The following ISG20 variants were observed in gnomAD, a reference collection of about 807,000 sequenced individuals.
The protein encoded by ISG20 is interferon-stimulated gene 20 kDa protein.
Under a neutral mutation model 11.1 loss-of-function variants are expected in ISG20, and 8 were observed. That is an observed-to-expected ratio of 0.72 (90% confidence interval 0.42 to 1.30). The LOEUF (loss-of-function observed/expected upper bound fraction) is 1.30, where lower values mean the gene tolerates loss of function less well. ISG20 is among the 50% of genes most tolerant of loss of function. The probability of loss-of-function intolerance (pLI) is 0.01; values close to 1 mark genes in which losing one functional copy is unlikely to be tolerated. For missense variants in ISG20, 243 were observed against 250.2 expected, an observed-to-expected ratio of 0.97 and a Z score of 0.19; for synonymous variants, 110 against 101.7, an observed-to-expected ratio of 1.08 and a Z score of -0.49.
At chr15:88,654,548 G>C (rs1312784807) in intron 3 of ISG20, among the ~76,000 whole-genome samples, 1 of 152,020 alleles carries the variant, frequency 6.6e-6, no homozygotes, top group Non-Finnish European at 1.5e-5. Flanking sequence ...TCCCATGCTG[G>C]GTACCGGCCA....
At chr15:88,646,780 T>C (rs1007613040) in intron 2 of ISG20, 2 of 152,582 alleles carry the variant, frequency 1.3e-5, no homozygotes, top group Non-Finnish European at 1.5e-5. Flanking sequence ...ATTATTTTCT[T>C]TCTTTTTTGA....
At chr15:88,653,912 C>A (rs72763873) in intron 3 of ISG20, among the ~76,000 whole-genome samples, 1 of 152,326 alleles carries the variant, frequency 6.6e-6, no homozygotes, top group Non-Finnish European at 1.5e-5. Flanking sequence ...AAAGGAAAGA[C>A]CCTGCCATTT....
intron 2 of ISG20, among the ~76,000 whole-genome samples, chr15:88,641,273 T>C (rs2058076381): frequency 6.6e-6 from 1 of 152,194 alleles, no homozygotes; most frequent in African/African-American, 2.4e-5. Flanking sequence ...GTCCCAGGCA[T>C]GAGCCACCGC....
intron 3 of ISG20, among the ~76,000 whole-genome samples, chr15:88,652,992 A>G (rs1041172972): frequency 2.6e-5 from 4 of 151,938 alleles, no homozygotes; most frequent in African/African-American, 9.7e-5. Context: ...TGGGCAAAGC[A>G]GGCAGGAAAA....
chr15:88,642,465 C>T (rs1392549724), intron 2 of ISG20, among the ~76,000 whole-genome samples: 1 of 152,214 alleles, frequency 6.6e-6, no homozygotes, highest in East Asian at 1.9e-4. Context: ...TATGGGACAA[C>T]TGCTCAGGAA....
At chr15:88,635,633 G>C (rs188821040), upstream of ISG20, among the ~76,000 whole-genome samples, 48 of 152,322 alleles carry the variant, frequency 3.2e-4, no homozygotes, top group Non-Finnish European at 4.4e-4. Flanking sequence ...TACGGTTTCA[G>C]ACTGCATCCC....
At position 88,655,490 on chromosome 15, in the gene ISG20, CGAGCCCG is replaced by C; in HGVS notation, c.506_512del (p.Arg169ProfsTer22). The C allele has an allele frequency of 6.2e-7, 1 of 1,613,474 alleles. No individual in the cohort carries two copies. Among genetic ancestry groups the C allele is most frequent in the African/African-American group, 1.3e-5 (1 of 75,060 alleles). On this transcript the variant is annotated frameshift_variant, in exon 4 of 4. Coordinates refer to ENST00000306072, the MANE Select transcript of ISG20 (RefSeq NM_002201.6). LOFTEE classifies it low-confidence loss of function (END_TRUNC). ...GCTCTATCAAATCTCCCAGAGAATC[CGAGCCCG>C]CCGAGGGCTGCCCCGCCTGGCTGTG... is the stretch of plus-strand genomic sequence containing the variant.
chr15:88,648,596 C>T (rs889435345), intron 2 of ISG20: 3 of 152,248 alleles, frequency 2.0e-5, no homozygotes, highest in Non-Finnish European at 2.9e-5. Context: ...AGTGCCCTGT[C>T]CCTTGGTCCT....
In ISG20 at chr15:88,651,869, A is replaced by G. The variant is rs2058279815; in HGVS notation, c.229-241A>G. ...TCAGGATGTACTAACCATTGCTCCT[A>G]CACAGTTCAGCTCCTGAAGGAGTCC... is the stretch of plus-strand genomic sequence containing the variant. On this transcript the variant is annotated intron_variant, in intron 2 of 3. Transcript: ENST00000306072. The G allele has an allele frequency of 2.2e-6, 3 of 1,376,726 alleles. No individual in the cohort carries two copies. In the South Asian group the frequency reaches 4.6e-5, roughly 21 times the overall value. The allele number at this position is 1,376,726 out of a possible 1,614,324, so 85.3% of individuals were successfully genotyped here. A position where few individuals can be genotyped will look rare whatever the true frequency, so the allele number is the denominator to read the frequency against.
rs771930617 is a variant in ISG20 at position 88,652,273 on chromosome 15, G to C, written c.392G>C (p.Arg131Pro). ...KLDHCRRVSL[R>P]VLSERLLHKS... ...GACCACTGCAGGCGTGTCTCCCTGC[G>C]GGTGCTGAGTGAGCGCCTCCTACAC... Residue 131 changes from arginine to proline, a missense_variant, in exon 3 of 4, where the codon CGG (arginine) becomes CCG (proline). By Grantham distance (103) the Arg-to-Pro change is moderately radical. Coordinates refer to ENST00000306072, the MANE Select transcript of ISG20 (RefSeq NM_002201.6). 48 of 1,613,490 alleles carry C rather than the reference G, an allele frequency of 3.0e-5. No homozygotes were observed. Among genetic ancestry groups the C allele is most frequent in the Non-Finnish European group, 4.1e-5 (48 of 1,179,780 alleles).
In ISG20 at chr15:88,655,570, C is replaced by T. The variant is rs752817650; in HGVS notation, c.*39C>T. 24 of 1,498,590 alleles carry T rather than the reference C, an allele frequency of 1.6e-5. No individual in the cohort carries two copies. Among genetic ancestry groups the T allele is most frequent in the Admixed American group, 8.3e-5 (4 of 48,380 alleles). 92.8% of individuals were successfully genotyped at this position (1,498,590 alleles called of 1,614,324 possible). ...CCGTTCCGCAGGGACTAGAGGCTTT[C>T]GGCTTTTTGGGACAGCAACTACCTT... is the stretch of plus-strand genomic sequence containing the variant. On this transcript the variant is annotated 3_prime_UTR_variant, in exon 4 of 4. Transcript: ENST00000306072.
chr15:88,639,547 C>T lies in ISG20; in HGVS notation c.181C>T (p.Pro61Ser). Residue 61 changes from proline to serine, a missense_variant, in exon 2 of 4, where the codon CCT (proline) becomes TCT (serine). By Grantham distance (74) the Pro-to-Ser change is moderately conservative. Transcript: ENST00000306072. The surrounding 1 kb of genome is among the most constrained non-coding windows in gnomAD (Gnocchi z 4.2). ...DYRTRVSGVT[P>S]QHMVGATPFA... Reference sequence around the variant, plus strand: ...CAGAACCCGGGTCAGCGGGGTCACCCCTCAGCACATGGTGGGGGCCACACC... The same window carrying T: ...CAGAACCCGGGTCAGCGGGGTCACCTCTCAGCACATGGTGGGGGCCACACC... 5.0e-6 allele frequency: 8 copies of T among 1,614,192 alleles called. No individual in the cohort carries two copies. The highest frequency in any genetic ancestry group is 1.3e-5 in the African/African-American group (1 of 75,058).
chr15:88,646,179 C>T (rs1271585541), intron 2 of ISG20, among the ~76,000 whole-genome samples: 1 of 152,178 alleles, frequency 6.6e-6, no homozygotes, highest in East Asian at 1.9e-4. Flanking sequence ...CCTCTCTGTG[C>T]TCCCCTAAGT....
Position 88,641,690 on chromosome 15 carries a change from G to C in ISG20, c.228+2096G>C, listed in dbSNP as rs373576705. Reference sequence around the variant, plus strand: ...TCTGTCGCCCAGGCTGGAGTGCAGTGGCAGGATCTGGGCTCACTGCAACCT... The same window carrying C: ...TCTGTCGCCCAGGCTGGAGTGCAGTCGCAGGATCTGGGCTCACTGCAACCT... On this transcript the variant is annotated intron_variant, in intron 2 of 3. Transcript: ENST00000306072. Among the ~76,000 whole-genome samples, 40 of 152,192 alleles carry C rather than the reference G, an allele frequency of 2.6e-4. 2 individuals are homozygous for C. In the South Asian group the frequency reaches 6.8e-3, roughly 26 times the overall value.
chr15:88,653,408 G>A (rs1232864127), intron 3 of ISG20, among the ~76,000 whole-genome samples: 1 of 152,180 alleles, frequency 6.6e-6, no homozygotes, highest in Non-Finnish European at 1.5e-5. Flanking sequence ...GGCTCGGGGA[G>A]GGGCTGGGGA....
chr15:88,650,014 G>A lies in ISG20; in HGVS notation c.229-2096G>A. On this transcript the variant is annotated intron_variant, in intron 2 of 3. Transcript: ENST00000306072. This position sits in a 1 kb window ranked among gnomAD's most constrained non-coding sequence, Gnocchi z 4.0. ...TTGCCAGGGGAGAACATGTAAAAGGGAACACATGATGTTCCAGGAGGCCGC... is the reference window on the plus strand; with the variant it reads ...TTGCCAGGGGAGAACATGTAAAAGGAAACACATGATGTTCCAGGAGGCCGC... 1 of 559,652 alleles carries A rather than the reference G, an allele frequency of 1.8e-6. No individual in the cohort carries two copies. Among genetic ancestry groups the A allele is most frequent in the South Asian group, 2.0e-5 (1 of 49,256 alleles). The allele number at this position is 559,652 out of a possible 1,614,324, so 34.7% of individuals were successfully genotyped here. A position where few individuals can be genotyped will look rare whatever the true frequency, so the allele number is the denominator to read the frequency against.
At chr15:88,644,614 GCAGA>G (rs2058139677) in intron 2 of ISG20, among the ~76,000 whole-genome samples, 1 of 151,794 alleles carries the variant, frequency 6.6e-6, no homozygotes, top group African/African-American at 2.4e-5. Context: ...ATCATCTTTG[GCAGA>G]CAGAGAATTG....
chr15:88,652,077 C>A lies in ISG20; in HGVS notation c.229-33C>A. 3 of 1,613,292 alleles carry A rather than the reference C, an allele frequency of 1.9e-6. No individual in the cohort carries two copies. The South Asian group carries it at 3.3e-5, about 18-fold the overall frequency. ...CAGCCCCACCCAGAAGATGCTGGGT[C>A]ATGTAGGGGTGGGCACATGTCTTCC... On this transcript the variant is annotated intron_variant, in intron 2 of 3. Coordinates refer to ENST00000306072, the MANE Select transcript of ISG20 (RefSeq NM_002201.6).
chr15:88,655,555 G>C lies in ISG20; in HGVS notation c.*24G>C, dbSNP rs1275523092. ...GAAGCCCCATCCAGCCCGTTCCGCA[G>C]GGACTAGAGGCTTTCGGCTTTTTGG... On this transcript the variant is annotated 3_prime_UTR_variant, in exon 4 of 4. Transcript: ENST00000306072. The C allele has an allele frequency of 6.4e-7, 1 of 1,557,526 alleles. No homozygotes were observed. The highest frequency in any genetic ancestry group is 8.7e-7 in the Non-Finnish European group (1 of 1,145,700).
Sources: allele counts gnomAD v4.1 joint callset (sites outside exome capture counted in the v4.1 genomes callset), GRCh38; gene constraint gnomAD v4.1.1; non-coding constraint Gnocchi (gnomAD v3.1); transcripts MANE v1.5; gene names NCBI Gene and HGNC (gene_info 2026-07-23, HGNC 2026-07-21).